Variants in CTIF observed in about 807,000 individuals in gnomAD.
CTIF encodes cap binding complex dependent translation initiation factor, also known as CBP80/20-dependent translation initiation factor.
In CTIF, 21 loss-of-function variants were observed where a neutral mutation model predicts 66.0. That is an observed-to-expected ratio of 0.32 (90% CI 0.23 to 0.46). The LOEUF (loss-of-function observed/expected upper bound fraction) is 0.46, where lower values mean the gene tolerates loss of function less well. Ranked by LOEUF, CTIF falls within the 20% of genes least tolerant of loss-of-function variation. CTIF has a pLI of 1.00. For missense variants in CTIF, 739 were observed against 812.7 expected (o/e 0.91, Z 1.10); for synonymous variants, 345 against 326.4 (o/e 1.06, Z -0.62).
At chr18:48,711,106 T>C (rs2092217752) in intron 6 of CTIF, among the ~76,000 whole-genome samples, 1 of 152,114 alleles carries the variant, frequency 6.6e-6, no homozygotes, top group African/African-American at 2.4e-5. Context: ...CTGGACTAGG[T>C]TTAGGAGACA....
At chr18:48,742,322 A>G (rs2092561768) in intron 7 of CTIF, among the ~76,000 whole-genome samples, 1 of 152,222 alleles carries the variant, frequency 6.6e-6, no homozygotes, top group Admixed American at 6.5e-5. Context: ...GGCAGGTTAC[A>G]GCACAGTGTG....
chr18:48,767,479 C>T (rs1909682376), intron 9 of CTIF, among the ~76,000 whole-genome samples: 1 of 152,098 alleles, frequency 6.6e-6, no homozygotes, highest in South Asian at 2.1e-4. Flanking sequence ...TCTGTTTAGC[C>T]AAGAGGTGTC....
chr18:48,627,715 T>C (rs541212306), intron 2 of CTIF, among the ~76,000 whole-genome samples: 5 of 134,160 alleles, frequency 3.7e-5, no homozygotes, highest in African/African-American at 1.4e-4. Context: ...TGAGACCCTG[T>C]CTCAAAACAA....
At chr18:48,796,642 A>G (rs2067926068) in intron 9 of CTIF, among the ~76,000 whole-genome samples, 1 of 152,158 alleles carries the variant, frequency 6.6e-6, no homozygotes. Context: ...AACCTCTGCC[A>G]TCCCATCACA....
Position 48,817,525 on chromosome 18 carries a change from C to G in CTIF, c.1527+149C>G, listed in dbSNP as rs575174127. 43 of 946,696 alleles carry G rather than the reference C, an allele frequency of 4.5e-5. No individual in the cohort carries two copies. The Admixed American group carries it at 1.0e-3, about 22-fold the overall frequency. The allele number at this position is 946,696 out of a possible 1,614,324, so 58.6% of individuals were successfully genotyped here. ...GCACGGTGGCTCACACCTGTAATCC[C>G]AGCACTTTGGGAGGCCAAGGCAGGT... is the stretch of plus-strand genomic sequence containing the variant. On this transcript the variant is annotated intron_variant, in intron 10 of 11. Coordinates refer to ENST00000256413, the MANE Select transcript of CTIF (RefSeq NM_014772.3).
At chr18:48,694,273 G>A (rs912741727) in intron 6 of CTIF, among the ~76,000 whole-genome samples, 4 of 152,252 alleles carry the variant, frequency 2.6e-5, no homozygotes, top group Admixed American at 2.6e-4. Context: ...AGGAATGGAC[G>A]CTATTCCTGC....
chr18:48,541,873 A>G (rs530328863), intron 1 of CTIF, among the ~76,000 whole-genome samples: 4 of 151,684 alleles, frequency 2.6e-5, no homozygotes, highest in Admixed American at 2.6e-4. Flanking sequence ...GCATTTATTA[A>G]GAGGGTCCTG....
chr18:48,855,737 A>T (rs758731255), intron 10 of CTIF, among the ~76,000 whole-genome samples: 8 of 152,202 alleles, frequency 5.3e-5, no homozygotes, highest in Non-Finnish European at 1.2e-4. Flanking sequence ...CTCACCTTTG[A>T]GTAAGGCCAG....
intron 6 of CTIF, among the ~76,000 whole-genome samples, chr18:48,680,623 G>C (rs138507151): frequency 6.6e-6 from 1 of 152,236 alleles, no homozygotes. Context: ...CAGCCTTGCC[G>C]TCCCTGTCCT....
intron 1 of CTIF, among the ~76,000 whole-genome samples, chr18:48,594,552 C>T (rs948851407): frequency 8.5e-5 from 13 of 152,102 alleles, no homozygotes; most frequent in African/African-American, 2.9e-4. Flanking sequence ...GGAATGAGTC[C>T]TCACACATTC....
At chr18:48,747,637 C>T (rs553706750) in intron 7 of CTIF, among the ~76,000 whole-genome samples, 20 of 151,946 alleles carry the variant, frequency 1.3e-4, no homozygotes, top group East Asian at 3.9e-4. Context: ...CCAGGGGCTG[C>T]GGCTCACACT....
chr18:48,614,128 G>A (rs1373527775), intron 1 of CTIF, among the ~76,000 whole-genome samples: 2 of 151,940 alleles, frequency 1.3e-5, no homozygotes, highest in Non-Finnish European at 2.9e-5. Context: ...TTCCTGGCTG[G>A]CTCTCTCAGC....
intron 1 of CTIF, among the ~76,000 whole-genome samples, chr18:48,545,388 C>T (rs1418965126): frequency 6.6e-6 from 1 of 152,140 alleles, no homozygotes; most frequent in Non-Finnish European, 1.5e-5. Flanking sequence ...GAGGCAGTAA[C>T]AGGCTCTCCA....
intron 7 of CTIF, among the ~76,000 whole-genome samples, chr18:48,734,284 G>C (rs546714744): frequency 6.6e-6 from 1 of 152,344 alleles, no homozygotes; most frequent in South Asian, 2.1e-4. Context: ...AAATTATTTG[G>C]GCTGGGCTCA....
intron 1 of CTIF, among the ~76,000 whole-genome samples, chr18:48,591,438 G>T (rs927403822): frequency 6.6e-6 from 1 of 152,188 alleles, no homozygotes; most frequent in Non-Finnish European, 1.5e-5. Context: ...GCAGGTCCCT[G>T]GCCCCACGTC....
Position 48,862,062 on chromosome 18 carries a change from T to TAAAG in CTIF, c.*2507_*2510dup, listed in dbSNP as rs924011842. The TAAAG allele has an allele frequency of 1.3e-5, 2 of 150,456 alleles. No homozygotes were observed. The highest frequency in any genetic ancestry group is 3.9e-4 in the East Asian group (2 of 5,176). 9.3% of individuals were successfully genotyped at this position (150,456 alleles called of 1,614,324 possible). ...GAAAACGTTAAGACTATTTTTTTTT[T>TAAAG]AAAGAAACAACAGTCAAGCCTAAAA... On this transcript the variant is annotated 3_prime_UTR_variant, in exon 12 of 12. Transcript: ENST00000256413.
chr18:48,792,998 C>T (rs1411448436), intron 9 of CTIF, among the ~76,000 whole-genome samples: 1 of 152,138 alleles, frequency 6.6e-6, no homozygotes, highest in African/African-American at 2.4e-5. Context: ...GACAGGATGC[C>T]ATCTCCAGAG....
intron 1 of CTIF, among the ~76,000 whole-genome samples, chr18:48,612,614 A>G (rs2090327236): frequency 6.6e-6 from 1 of 152,214 alleles, no homozygotes; most frequent in Non-Finnish European, 1.5e-5. Flanking sequence ...TGAAGACGCC[A>G]GTGGCTGTGA....
intron 6 of CTIF, among the ~76,000 whole-genome samples, chr18:48,702,277 C>T (rs907467418): frequency 1.3e-5 from 2 of 152,214 alleles, no homozygotes; most frequent in East Asian, 1.9e-4. Context: ...CCCATTCCAG[C>T]GACCCAGCCT....
Sources: gnomAD v4.1 joint callset for allele counts (sites outside exome capture counted in the v4.1 genomes callset) on GRCh38, gnomAD v4.1.1 for gene constraint, MANE v1.5 for transcripts, NCBI Gene and HGNC (gene_info 2026-07-23, HGNC 2026-07-21) for gene names.